Variants in PLCB1 observed in about 807,000 individuals in gnomAD.
PLCB1 encodes phospholipase C beta 1.
In PLCB1, 46 loss-of-function variants were observed where a neutral mutation model predicts 161.8. The observed-to-expected ratio is 0.28, with a 90% CI of 0.22 to 0.36. The LOEUF is 0.36. PLCB1 is among the 10% of genes least tolerant of loss of function. The pLI is 1.00. For missense variants in PLCB1, 1,016 were observed against 1,472.5 expected (o/e 0.69, Z 5.07); for synonymous variants, 517 against 503.7 (o/e 1.03, Z -0.35).
At chr20:8,740,219 A>G in intron 21 of PLCB1, 125 bp from the exon 22 acceptor site, 1 of 606,604 alleles carries the variant, frequency 1.6e-6, no homozygotes. Context: ...TATTAAAATG[A>G]AAAAAGTGAT....
At chr20:8,226,305 G>T (rs1301609968) in intron 2 of PLCB1, among the ~76,000 whole-genome samples, 1 of 152,056 alleles carries the variant, frequency 6.6e-6, no homozygotes, top group African/African-American at 2.4e-5. Flanking sequence ...CTCTCCACTA[G>T]CTGTAGTGTG....
At chr20:8,352,137 A>G (rs1295729480) in intron 2 of PLCB1, among the ~76,000 whole-genome samples, 1 of 152,166 alleles carries the variant, frequency 6.6e-6, no homozygotes, top group Non-Finnish European at 1.5e-5. Context: ...ATACAATGGA[A>G]TATTATTGAG....
intron 3 of PLCB1, among the ~76,000 whole-genome samples, chr20:8,486,809 T>C (rs575276512): frequency 6.6e-6 from 1 of 152,306 alleles, no homozygotes; most frequent in South Asian, 2.1e-4. Flanking sequence ...AAATATTTTC[T>C]TAAGGGTCAC....
Position 8,883,000 on chromosome 20 carries a change from G to A in PLCB1, c.*1151G>A, listed in dbSNP as rs1358734926. The A allele has an allele frequency of 6.6e-6, 1 of 152,576 alleles. No individual in the cohort carries two copies. Among genetic ancestry groups the A allele is most frequent in the Non-Finnish European group, 1.5e-5 (1 of 68,010 alleles). The allele number at this position is 152,576 out of a possible 1,614,324, so 9.5% of individuals were successfully genotyped here. A position where few individuals can be genotyped will look rare whatever the true frequency, so the allele number is the denominator to read the frequency against. On this transcript the variant is annotated 3_prime_UTR_variant, in exon 32 of 32. Transcript: ENST00000338037. ...AGGGACAAATGGATAGAGAAGAAAA[G>A]GGTCAAACATCGAGATTACATGGAT...
At chr20:8,195,409 C>T (rs1355447058) in intron 2 of PLCB1, among the ~76,000 whole-genome samples, 1 of 151,926 alleles carries the variant, frequency 6.6e-6, no homozygotes, top group African/African-American at 2.4e-5. Context: ...AAAATAGGCC[C>T]AAGAGAACTC....
intron 2 of PLCB1, among the ~76,000 whole-genome samples, chr20:8,217,598 T>G (rs1393849952): frequency 6.6e-6 from 1 of 152,148 alleles, no homozygotes; most frequent in African/African-American, 2.4e-5. Context: ...AAATGCAGTG[T>G]GATTTTTCCA....
chr20:8,523,464 G>GTCTCTCTCTCTCTCTCTCTC (rs759770308), intron 3 of PLCB1, among the ~76,000 whole-genome samples: 1 of 42,864 alleles, frequency 2.3e-5, no homozygotes. Flanking sequence ...ATATATATTT[G>GTCTCTCTCTCTCTCTCTCTC]GCTCTCTCTC....
chr20:8,301,564 A>T (rs1983914863), intron 2 of PLCB1, among the ~76,000 whole-genome samples: 1 of 152,064 alleles, frequency 6.6e-6, no homozygotes, highest in South Asian at 2.1e-4. Flanking sequence ...TCCACGTCCC[A>T]TGCTATCCTC....
intron 6 of PLCB1, among the ~76,000 whole-genome samples, chr20:8,648,919 C>T (rs1224710143): frequency 7.3e-6 from 1 of 137,556 alleles, no homozygotes; most frequent in African/African-American, 2.8e-5. Flanking sequence ...CCAGCCTGGG[C>T]AACAATGTGA....
chr20:8,160,812 A>T (rs182817900), intron 2 of PLCB1, among the ~76,000 whole-genome samples: 307 of 152,310 alleles, frequency 2.0e-3, no homozygotes, highest in Admixed American at 4.4e-3. Flanking sequence ...TGATAGTTGG[A>T]TTATTTAAAC....
chr20:8,175,123 TAAC>T (rs932531690), intron 2 of PLCB1, among the ~76,000 whole-genome samples: 4 of 151,472 alleles, frequency 2.6e-5, no homozygotes, highest in African/African-American at 9.7e-5. Flanking sequence ...ACCAACCTAA[TAAC>T]AAACAAAAAC....
At chr20:8,549,422 C>A (rs1040840619) in intron 3 of PLCB1, among the ~76,000 whole-genome samples, 1 of 152,052 alleles carries the variant, frequency 6.6e-6, no homozygotes, top group Non-Finnish European at 1.5e-5. Context: ...AAAAACAAGC[C>A]CTAGCTCATG....
chr20:8,544,392 C>A (rs985005035), intron 3 of PLCB1, among the ~76,000 whole-genome samples: 1 of 152,172 alleles, frequency 6.6e-6, no homozygotes, highest in Non-Finnish European at 1.5e-5. Context: ...CACACTAGGT[C>A]AGGATTTATG....
At position 8,442,975 on chromosome 20, in the gene PLCB1, TTTTTTTTTTTG is replaced by T. The variant is rs1247209268; in HGVS notation, c.246+71536_246+71546del. Reference sequence around the variant, plus strand: ...ATAAAATTATCTTGTGAGTTTCTTGTTTTTTTTTTTGTTTTTTTTTTTGAGATGGAGTCTCG... The same window carrying T: ...ATAAAATTATCTTGTGAGTTTCTTGTTTTTTTTTTTTGAGATGGAGTCTCG... On this transcript the variant is annotated intron_variant, in intron 3 of 31. Transcript: ENST00000338037. Among the ~76,000 whole-genome samples, 11 of 130,176 alleles carry T rather than the reference TTTTTTTTTTTG, an allele frequency of 8.5e-5. 1 individual carries two copies. Among genetic ancestry groups the T allele is most frequent in the Admixed American group, 7.4e-4 (10 of 13,570 alleles). The allele number at this position is 130,176 out of a possible 152,430, so 85.4% of individuals were successfully genotyped here. A position where few individuals can be genotyped will look rare whatever the true frequency, so the allele number is the denominator to read the frequency against.
intron 10 of PLCB1, among the ~76,000 whole-genome samples, chr20:8,694,044 C>T (rs1990535334): frequency 6.6e-6 from 1 of 152,176 alleles, no homozygotes; most frequent in Non-Finnish European, 1.5e-5. Context: ...CTTCAGCGAT[C>T]CGCTAGCCCC....
chr20:8,548,648 C>T (rs550533941), intron 3 of PLCB1, among the ~76,000 whole-genome samples: 1 of 152,170 alleles, frequency 6.6e-6, no homozygotes, highest in Non-Finnish European at 1.5e-5. Flanking sequence ...AACCAAATCT[C>T]TGTATTTCAG....
chr20:8,587,884 G>T (rs1337197190), intron 3 of PLCB1, among the ~76,000 whole-genome samples: 1 of 152,156 alleles, frequency 6.6e-6, no homozygotes, highest in Non-Finnish European at 1.5e-5. Flanking sequence ...GTACATAACT[G>T]TAAAATAGAA....
At chr20:8,227,191 G>A (rs1451346100) in intron 2 of PLCB1, among the ~76,000 whole-genome samples, 1 of 152,084 alleles carries the variant, frequency 6.6e-6, no homozygotes, top group Admixed American at 6.6e-5. Flanking sequence ...CAGCCACATT[G>A]CAGGACTAGA....
chr20:8,787,433 C>T (rs968066361), intron 27 of PLCB1, among the ~76,000 whole-genome samples: 2 of 152,216 alleles, frequency 1.3e-5, no homozygotes, highest in African/African-American at 2.4e-5. Flanking sequence ...GTCACTATTA[C>T]AGCTGCCACT....
Sources: gnomAD v4.1 joint callset for allele counts (sites outside exome capture counted in the v4.1 genomes callset) on GRCh38, gnomAD v4.1.1 for gene constraint, MANE v1.5 for transcripts, NCBI Gene and HGNC (gene_info 2026-07-23, HGNC 2026-07-21) for gene names.